GRIK2: variants seen among roughly 807,000 people sequenced by gnomAD.
GRIK2 encodes the protein glutamate ionotropic receptor kainate type subunit 2.
Under a neutral mutation model 100.3 loss-of-function variants are expected in GRIK2, and 32 were observed. The observed-to-expected ratio is 0.32, with a 90% CI of 0.24 to 0.43. The LOEUF is 0.43. GRIK2 is among the 20% of genes least tolerant of loss of function. The probability of loss-of-function intolerance (pLI) is 1.00; values close to 1 mark genes in which losing one functional copy is unlikely to be tolerated. For synonymous variants in GRIK2, 417 were observed against 389.4 expected, an observed-to-expected ratio of 1.07 and a Z score of -0.83; for missense variants, 843 against 1,114.9, an observed-to-expected ratio of 0.76 and a Z score of 3.47.
chr6:101,436,125 T>C (rs1769699516), intron 2 of GRIK2, among the ~76,000 whole-genome samples: 1 of 152,142 alleles, frequency 6.6e-6, no homozygotes, highest in South Asian at 2.1e-4. Context: ...TTCCTATCTA[T>C]TCAGAGTACA....
At chr6:101,745,296 T>G (rs1363503777) in intron 7 of GRIK2, among the ~76,000 whole-genome samples, 1 of 152,150 alleles carries the variant, frequency 6.6e-6, no homozygotes, top group Non-Finnish European at 1.5e-5. Flanking sequence ...TTAGGGAATA[T>G]ATCAGAATGA....
intron 15 of GRIK2, among the ~76,000 whole-genome samples, chr6:102,037,071 T>C (rs1036937872): frequency 6.6e-6 from 1 of 151,262 alleles, no homozygotes; most frequent in African/African-American, 2.4e-5. Context: ...TAAATAATAT[T>C]ACATTTGGAA....
At position 102,031,447 on chromosome 6, in the gene GRIK2, AT is replaced by A. The variant is rs1272308401; in HGVS notation, c.2086-3889del. On this transcript the variant is annotated intron_variant, in intron 14 of 16. Transcript: ENST00000369134. ...TTCAATACACATATTTTACTTATTTATTTTTATTTTAAAAATTTTTAATAAT... is the reference window on the plus strand; with the variant it reads ...TTCAATACACATATTTTACTTATTTATTTTATTTTAAAAATTTTTAATAAT... 1.2e-3 allele frequency among the ~76,000 whole-genome samples: 98 copies of A among 81,364 alleles called. 1 individual carries two copies. Among genetic ancestry groups the A allele is most frequent in the African/African-American group, 9.9e-3 (98 of 9,854 alleles). 53.4% of individuals were successfully genotyped at this position (81,364 alleles called of 152,430 possible).
At chr6:101,766,947 A>G (rs1239384998) in intron 7 of GRIK2, among the ~76,000 whole-genome samples, 2 of 152,172 alleles carry the variant, frequency 1.3e-5, no homozygotes, top group Non-Finnish European at 2.9e-5. Flanking sequence ...TAGGTGTCCA[A>G]AGGGATTGTC....
chr6:101,656,862 G>A (rs2128331481), intron 4 of GRIK2, among the ~76,000 whole-genome samples: 1 of 152,236 alleles, frequency 6.6e-6, no homozygotes, highest in East Asian at 1.9e-4. Context: ...ATTGTTAACG[G>A]GAAATAGATC....
chr6:101,679,141 T>C (rs1771059037), intron 5 of GRIK2, among the ~76,000 whole-genome samples: 1 of 152,092 alleles, frequency 6.6e-6, no homozygotes, highest in East Asian at 1.9e-4. Flanking sequence ...AAAGTTTAGA[T>C]CAGAGAGTGT....
chr6:101,866,454 G>A (rs1785058439), intron 11 of GRIK2, among the ~76,000 whole-genome samples: 1 of 151,988 alleles, frequency 6.6e-6, no homozygotes, highest in South Asian at 2.1e-4. Flanking sequence ...ATATGAACAA[G>A]GAATTGTTTA....
At chr6:101,949,856 C>A (rs1271716352) in intron 14 of GRIK2, among the ~76,000 whole-genome samples, 3 of 152,182 alleles carry the variant, frequency 2.0e-5, no homozygotes, top group Non-Finnish European at 4.4e-5. Flanking sequence ...TATTTATAAT[C>A]CTTTGGGTAT....
intron 14 of GRIK2, among the ~76,000 whole-genome samples, chr6:101,962,055 G>C (rs928112326): frequency 6.6e-6 from 1 of 152,160 alleles, no homozygotes; most frequent in African/African-American, 2.4e-5. Context: ...TGAGGGCAGA[G>C]GGGCTCTCTG....
intron 15 of GRIK2, among the ~76,000 whole-genome samples, chr6:102,043,636 G>T (rs768043626): frequency 6.6e-6 from 1 of 151,706 alleles, no homozygotes; most frequent in Non-Finnish European, 1.5e-5. Context: ...TATATGTACT[G>T]CATTTTCTTT....
intron 4 of GRIK2, among the ~76,000 whole-genome samples, chr6:101,626,925 T>G (rs1003900750): frequency 6.6e-6 from 1 of 151,826 alleles, no homozygotes; most frequent in African/African-American, 2.4e-5. Flanking sequence ...TAAACAATAT[T>G]ATAGATAGAT....
chr6:101,534,724 A>C (rs1775605541), intron 2 of GRIK2, among the ~76,000 whole-genome samples: 1 of 151,914 alleles, frequency 6.6e-6, no homozygotes, highest in Admixed American at 6.6e-5. Flanking sequence ...CTACGAAATG[A>C]ATCATTCTAA....
intron 7 of GRIK2, among the ~76,000 whole-genome samples, chr6:101,708,853 T>C (rs553663655): frequency 2.0e-5 from 3 of 151,884 alleles, no homozygotes; most frequent in East Asian, 3.9e-4. Context: ...GTTGAAATCC[T>C]TACCCCCAGG....
At chr6:101,859,598 G>A (rs1343880881) in intron 11 of GRIK2, 105 bp downstream of exon 11, 2 of 675,520 alleles carry the variant, frequency 3.0e-6, no homozygotes, top group Admixed American at 2.4e-5. Context: ...TATATTTCAA[G>A]CATGTATTTC....
chr6:101,841,426 C>A (rs1366517986), intron 10 of GRIK2, among the ~76,000 whole-genome samples: 1 of 151,238 alleles, frequency 6.6e-6, no homozygotes, highest in Non-Finnish European at 1.5e-5. Flanking sequence ...TGCAGTGGAG[C>A]AATCTCAGCC....
chr6:101,877,133 A>G (rs891584490), intron 11 of GRIK2, among the ~76,000 whole-genome samples: 2 of 152,032 alleles, frequency 1.3e-5, no homozygotes, highest in African/African-American at 2.4e-5. Flanking sequence ...CTAAACACAG[A>G]CGAACACACA....
At chr6:102,030,378 T>G (rs984268846) in intron 14 of GRIK2, among the ~76,000 whole-genome samples, 2 of 151,320 alleles carry the variant, frequency 1.3e-5, no homozygotes, top group Non-Finnish European at 3.0e-5. Flanking sequence ...CTATTCTGGA[T>G]CTGCTCATCT....
intron 9 of GRIK2, among the ~76,000 whole-genome samples, chr6:101,817,828 G>C (rs956566169): frequency 6.6e-6 from 1 of 152,128 alleles, no homozygotes; most frequent in Non-Finnish European, 1.5e-5. Context: ...CACTTTAAAA[G>C]GTGCAAAGAT....
chr6:101,510,328 T>C (rs929104467), intron 2 of GRIK2, among the ~76,000 whole-genome samples: 1 of 152,088 alleles, frequency 6.6e-6, no homozygotes, highest in African/African-American at 2.4e-5. Flanking sequence ...GTGGGTATGA[T>C]GGCGATTTTC....
Sources: gnomAD v4.1 joint callset for allele counts (sites outside exome capture counted in the v4.1 genomes callset) on GRCh38, gnomAD v4.1.1 for gene constraint, MANE v1.5 for transcripts, NCBI Gene and HGNC (gene_info 2026-07-23, HGNC 2026-07-21) for gene names.